CRACD: variants seen among roughly 807,000 people sequenced by gnomAD.
CRACD encodes capping protein-inhibiting regulator of actin dynamics.
A neutral mutation model predicts 106.8 loss-of-function variants in CRACD; 56 were observed. That is an observed-to-expected ratio of 0.52 (90% confidence interval 0.42 to 0.66). The LOEUF (loss-of-function observed/expected upper bound fraction) is 0.66. Among genes scored for constraint, CRACD ranks in the 30% least tolerant of loss-of-function variants. The pLI, the probability that CRACD is intolerant of heterozygous loss-of-function variation, is 0.00. For synonymous variants in CRACD, 754 were observed against 670.8 expected (o/e 1.12, Z -1.92); for missense variants, 1,730 against 1,623.2 (o/e 1.07, Z -1.13).
In CRACD at chr4:56,146,736, G is replaced by A. The variant is rs73817367; in HGVS notation, c.-335-32548G>A. 8.4e-3 allele frequency among the ~76,000 whole-genome samples: 1,274 copies of A among 152,164 alleles called. 19 individuals are homozygous for A. Among genetic ancestry groups the A allele is most frequent in the African/African-American group, 0.029 (1,218 of 41,488 alleles). On this transcript the variant is annotated intron_variant, in intron 1 of 10. Coordinates refer to ENST00000682029, the MANE Select transcript of CRACD (RefSeq NM_001393381.1). ...TATTGAGATAGAATTTATACACTAT[G>A]CATTTGCCTTAAAGTGTGTAATTCA...
intron 1 of CRACD, among the ~76,000 whole-genome samples, chr4:56,052,169 A>G (rs964532161): frequency 1.3e-5 from 2 of 152,226 alleles, no homozygotes; most frequent in East Asian, 1.9e-4. Flanking sequence ...GATTACAGGC[A>G]TGAACCACTG....
intron 1 of CRACD, among the ~76,000 whole-genome samples, chr4:56,079,904 G>A (rs1732965943): frequency 6.6e-6 from 1 of 152,216 alleles, no homozygotes; most frequent in South Asian, 2.1e-4. Context: ...ATCAGAACAT[G>A]AGCATTAGAA....
At chr4:56,267,911 G>A (rs1742121351) in intron 2 of CRACD, among the ~76,000 whole-genome samples, 1 of 152,162 alleles carries the variant, frequency 6.6e-6, no homozygotes, top group Non-Finnish European at 1.5e-5. Context: ...GCCATTCTCT[G>A]CTGCCAAAAC....
intron 9 of CRACD, 32 bp downstream of exon 9, chr4:56,323,599 C>T: frequency 6.7e-7 from 1 of 1,488,634 alleles, no homozygotes; most frequent in Non-Finnish European, 8.9e-7. Flanking sequence ...TGTGATTTTG[C>T]TTTCCTGAGC....
At chr4:56,186,186 A>G (rs370161823) in intron 2 of CRACD, among the ~76,000 whole-genome samples, 15 of 152,342 alleles carry the variant, frequency 9.8e-5, no homozygotes, top group African/African-American at 3.6e-4. Context: ...GCAAAATTCT[A>G]GCTAAATCCT....
At chr4:56,179,828 G>T (rs772839510) in intron 2 of CRACD, among the ~76,000 whole-genome samples, 2 of 151,982 alleles carry the variant, frequency 1.3e-5, no homozygotes, top group African/African-American at 2.4e-5. Flanking sequence ...GACCAGGCTG[G>T]CTGACATGCT....
At chr4:56,282,583 G>A (rs753109380) in intron 3 of CRACD, among the ~76,000 whole-genome samples, 3 of 152,226 alleles carry the variant, frequency 2.0e-5, no homozygotes, top group Non-Finnish European at 4.4e-5. Flanking sequence ...GACTTTCCAA[G>A]TTCCAAGGTT....
At chr4:56,225,419 A>G (rs949132604) in intron 2 of CRACD, among the ~76,000 whole-genome samples, 2 of 152,140 alleles carry the variant, frequency 1.3e-5, no homozygotes, top group Non-Finnish European at 2.9e-5. Flanking sequence ...TTGAATAAAG[A>G]CATTTTGATT....
At chr4:56,169,894 T>C (rs1736293617) in intron 1 of CRACD, among the ~76,000 whole-genome samples, 2 of 152,112 alleles carry the variant, frequency 1.3e-5, no homozygotes, top group Non-Finnish European at 2.9e-5. Context: ...CTTTGAGAAG[T>C]TGAAAATAAA....
At chr4:56,072,716 A>G (rs929685732) in intron 1 of CRACD, among the ~76,000 whole-genome samples, 2 of 152,112 alleles carry the variant, frequency 1.3e-5, no homozygotes, top group African/African-American at 4.8e-5. Flanking sequence ...TCAACCTGTC[A>G]TCTATGTTAG....
In CRACD at chr4:56,242,725, C is replaced by T. The variant is rs559858039; in HGVS notation, c.-188-29596C>T. On this transcript the variant is annotated intron_variant, in intron 2 of 10. Coordinates refer to ENST00000682029, the MANE Select transcript of CRACD (RefSeq NM_001393381.1). ...TGAACCCCATTTTCCTACTCCCATT[C>T]CAGATTAATAGGGAACTAAGCCTCC... Among the ~76,000 whole-genome samples, 20 of 152,224 alleles carry T rather than the reference C, an allele frequency of 1.3e-4. No individual in the cohort carries two copies. In the South Asian group the frequency reaches 3.9e-3, roughly 30 times the overall value.
intron 2 of CRACD, among the ~76,000 whole-genome samples, chr4:56,210,263 T>C (rs1412043687): frequency 6.6e-6 from 1 of 152,246 alleles, no homozygotes; most frequent in Non-Finnish European, 1.5e-5. Context: ...GGGATATATG[T>C]GCAGGTTTGT....
At position 56,323,633 on chromosome 4, in the gene CRACD, G is replaced by C. The variant is rs1746247948; in HGVS notation, c.3378+66G>C. ...GCTTGGTTCTCTTTTCAGTCACAAG[G>C]ATACAAAACAAAAGGCTAGCTGGGC... On this transcript the variant is annotated intron_variant, in intron 9 of 10. Transcript: ENST00000682029. 2.1e-6 allele frequency: 3 copies of C among 1,411,878 alleles called. No homozygotes were observed. The South Asian group carries it at 4.6e-5, about 22-fold the overall frequency. 87.5% of individuals were successfully genotyped at this position (1,411,878 alleles called of 1,614,324 possible). A position where few individuals can be genotyped will look rare whatever the true frequency, so the allele number is the denominator to read the frequency against.
At chr4:56,171,569 G>A (rs1736366019) in intron 1 of CRACD, among the ~76,000 whole-genome samples, 1 of 152,138 alleles carries the variant, frequency 6.6e-6, no homozygotes, top group Non-Finnish European at 1.5e-5. Context: ...ATCAGATCAA[G>A]GTAAGGTGGG....
At chr4:56,165,261 A>G (rs1736100334) in intron 1 of CRACD, among the ~76,000 whole-genome samples, 1 of 152,232 alleles carries the variant, frequency 6.6e-6, no homozygotes, top group Non-Finnish European at 1.5e-5. Context: ...ACATCCACTG[A>G]GAGTCTGTTC....
intron 1 of CRACD, among the ~76,000 whole-genome samples, chr4:56,106,589 G>A (rs1378903241): frequency 6.6e-6 from 1 of 152,170 alleles, no homozygotes; most frequent in African/African-American, 2.4e-5. Flanking sequence ...TCAGCCATAA[G>A]AAAGCTGTTT....
intron 4 of CRACD, among the ~76,000 whole-genome samples, chr4:56,304,763 CAGA>C (rs544290040): frequency 2.8e-4 from 42 of 151,770 alleles, no homozygotes; most frequent in African/African-American, 8.7e-4. Flanking sequence ...GCCTGGGCAA[CAGA>C]AGGAGACCCC....
At chr4:56,323,868 G>C (rs977260544) in intron 9 of CRACD, among the ~76,000 whole-genome samples, 1 of 152,234 alleles carries the variant, frequency 6.6e-6, no homozygotes, top group African/African-American at 2.4e-5. Context: ...AGATGTTATA[G>C]TCAGTTTGAT....
At chr4:56,147,013 G>A (rs1735410370) in intron 1 of CRACD, among the ~76,000 whole-genome samples, 1 of 152,152 alleles carries the variant, frequency 6.6e-6, no homozygotes, top group Non-Finnish European at 1.5e-5. Flanking sequence ...GGCAAGGTGG[G>A]CACGTCTTGT....
Sources: allele counts gnomAD v4.1 joint callset (sites outside exome capture counted in the v4.1 genomes callset), GRCh38; gene constraint gnomAD v4.1.1; transcripts MANE v1.5; gene names NCBI Gene and HGNC (gene_info 2026-07-23, HGNC 2026-07-21).